The following RIMS2 variants were observed in gnomAD, a reference collection of about 807,000 sequenced individuals.
RIMS2 encodes the protein regulating synaptic membrane exocytosis 2, also known as regulating synaptic membrane exocytosis protein 2.
Under a neutral mutation model 174.4 loss-of-function variants are expected in RIMS2, and 59 were observed. The observed-to-expected ratio is 0.34, with a 90% CI of 0.27 to 0.42. RIMS2 has a LOEUF of 0.42. Among genes scored for constraint, RIMS2 ranks in the 10% least tolerant of loss-of-function variants. RIMS2 has a pLI of 1.00. For synonymous variants in RIMS2, 606 were observed against 572.5 expected (o/e 1.06, Z -0.84); for missense variants, 1,620 against 1,666.3 (o/e 0.97, Z 0.48).
chr8:103,825,497 C>T (rs2098784353), intron 3 of RIMS2, among the ~76,000 whole-genome samples: 1 of 145,684 alleles, frequency 6.9e-6, no homozygotes, highest in African/African-American at 2.6e-5. Flanking sequence ...GTTGTCCAGG[C>T]TGGTCTCAAG....
At chr8:103,769,444 C>T (rs1301936105) in intron 3 of RIMS2, among the ~76,000 whole-genome samples, 1 of 152,190 alleles carries the variant, frequency 6.6e-6, no homozygotes, top group African/African-American at 2.4e-5. Context: ...CTGCCTCAGC[C>T]TCCCAAGTAG....
intron 1 of RIMS2, among the ~76,000 whole-genome samples, chr8:103,641,291 T>C (rs570783042): frequency 1.3e-3 from 191 of 152,286 alleles, no homozygotes; most frequent in African/African-American, 4.5e-3. Context: ...TATGTAATGA[T>C]TTAATACATT....
intron 2 of RIMS2, among the ~76,000 whole-genome samples, chr8:103,708,748 A>C (rs929003877): frequency 6.6e-5 from 10 of 152,088 alleles, no homozygotes; most frequent in African/African-American, 2.2e-4. Flanking sequence ...AGTATTTTTT[A>C]ACACTAGTTG....
chr8:103,893,244 T>C (rs2099257639), intron 4 of RIMS2, among the ~76,000 whole-genome samples: 1 of 152,072 alleles, frequency 6.6e-6, no homozygotes, highest in South Asian at 2.1e-4. Flanking sequence ...GAATTCCAGC[T>C]TTGGGGTACA....
chr8:103,800,532 T>C (rs962687865), intron 3 of RIMS2, among the ~76,000 whole-genome samples: 10 of 152,212 alleles, frequency 6.6e-5, no homozygotes, highest in African/African-American at 2.2e-4. Context: ...GAGAATTCTT[T>C]CATGAATGGC....
At chr8:103,952,588 C>T (rs1038415755) in intron 14 of RIMS2, among the ~76,000 whole-genome samples, 3 of 152,166 alleles carry the variant, frequency 2.0e-5, no homozygotes, top group African/African-American at 7.2e-5. Flanking sequence ...GACGTCCACT[C>T]AGAGACCCCA....
rs148335460 is a variant in RIMS2 at position 104,094,029 on chromosome 8, T to G, written c.3334+79414T>G. ...TAGAAAACATAAGAATGTTACTTTT[T>G]CAGTAGGATGCTTTCCTATCCTCTT... On this transcript the variant is annotated intron_variant, in intron 19 of 23. Transcript: ENST00000504942. 4.3e-4 allele frequency among the ~76,000 whole-genome samples: 66 copies of G among 152,102 alleles called. No individual in the cohort carries two copies. In the Middle Eastern group the frequency reaches 0.011, roughly 24 times the overall value.
intron 19 of RIMS2, among the ~76,000 whole-genome samples, chr8:104,146,207 A>AAAG (rs1187160527): frequency 1.3e-5 from 1 of 76,468 alleles, no homozygotes; most frequent in Non-Finnish European, 2.8e-5. Context: ...CCTCTCCCAA[A>AAAG]AAAAAAAAAA....
At chr8:103,799,406 A>G (rs1457967911) in intron 3 of RIMS2, among the ~76,000 whole-genome samples, 1 of 152,202 alleles carries the variant, frequency 6.6e-6, no homozygotes, top group Non-Finnish European at 1.5e-5. Context: ...AAAACTCGTT[A>G]CTATAAACTG....
intron 17 of RIMS2, among the ~76,000 whole-genome samples, chr8:104,004,325 A>G (rs1222253008): frequency 6.6e-6 from 1 of 152,188 alleles, no homozygotes; most frequent in Non-Finnish European, 1.5e-5. Flanking sequence ...TAAGTGGCAG[A>G]GGGAGGAAGA....
intron 3 of RIMS2, among the ~76,000 whole-genome samples, chr8:103,772,363 A>C (rs2098263473): frequency 6.6e-6 from 1 of 152,032 alleles, no homozygotes; most frequent in Non-Finnish European, 1.5e-5. Context: ...AAAAACTTAT[A>C]AATGGAAATT....
At chr8:103,908,946 A>C (rs2075084360) in intron 4 of RIMS2, among the ~76,000 whole-genome samples, 1 of 152,174 alleles carries the variant, frequency 6.6e-6, no homozygotes, top group South Asian at 2.1e-4. Context: ...TACCAGTTTC[A>C]TTTAATACTA....
intron 1 of RIMS2, among the ~76,000 whole-genome samples, chr8:103,551,852 T>C (rs985886194): frequency 2.6e-5 from 4 of 152,208 alleles, no homozygotes; most frequent in African/African-American, 7.2e-5. Flanking sequence ...CCATCCACAA[T>C]TGCTTCAAAG....
At position 104,188,280 on chromosome 8, in the gene RIMS2, G is replaced by A. The variant is rs200944230; in HGVS notation, c.3335-56636G>A. 6.3e-3 allele frequency among the ~76,000 whole-genome samples: 845 copies of A among 135,184 alleles called. 43 individuals carry two copies. In the East Asian group the frequency reaches 0.12, roughly 19 times the overall value. The allele number at this position is 135,184 out of a possible 152,430, so 88.7% of individuals were successfully genotyped here. On this transcript the variant is annotated intron_variant, in intron 19 of 23. Transcript: ENST00000504942. ...ATAGATAGATAGATAGATGGATGAA[G>A]TATAAAATCATCTAGATATAAAGTT...
chr8:103,599,337 T>A lies in RIMS2; in HGVS notation c.177-97749T>A, dbSNP rs578112687. On this transcript the variant is annotated intron_variant, in intron 1 of 23. Coordinates refer to ENST00000504942, the Ensembl canonical transcript of RIMS2. ...CCAAGGTATCACAAGTAGTTAGTGA[T>A]GAAATCAGCATACGAATCTAGTATG... Among the ~76,000 whole-genome samples the A allele has an allele frequency of 1.2e-3, 181 of 150,908 alleles. 1 individual carries two copies. The highest frequency in any genetic ancestry group is 2.3e-3 in the Non-Finnish European group (154 of 67,836).
intron 7 of RIMS2, among the ~76,000 whole-genome samples, chr8:103,916,179 CATAGAG>C (rs1326050310): frequency 1.3e-5 from 2 of 151,940 alleles, no homozygotes; most frequent in Non-Finnish European, 2.9e-5. Flanking sequence ...TAAGAAATCC[CATAGAG>C]ATAATGTTTA....
intron 3 of RIMS2, among the ~76,000 whole-genome samples, chr8:103,812,341 T>TTG (rs1017954524): frequency 1.3e-4 from 19 of 146,432 alleles, no homozygotes; most frequent in African/African-American, 4.3e-4. Flanking sequence ...GTTTTTTTTT[T>TTG]TTTTTTTTTT....
intron 19 of RIMS2, among the ~76,000 whole-genome samples, chr8:104,135,867 A>C (rs373614532): frequency 3.3e-5 from 5 of 152,148 alleles, no homozygotes; most frequent in African/African-American, 1.2e-4. Flanking sequence ...AATGTTGAAG[A>C]ATAGAGATAA....
At chr8:103,710,707 T>C (rs2097293465) in intron 2 of RIMS2, among the ~76,000 whole-genome samples, 1 of 152,180 alleles carries the variant, frequency 6.6e-6, no homozygotes, top group Admixed American at 6.5e-5. Flanking sequence ...ATAAATAATG[T>C]ACATTTCCAC....
Sources: allele counts gnomAD v4.1 joint callset (sites outside exome capture counted in the v4.1 genomes callset), GRCh38; gene constraint gnomAD v4.1.1; transcripts MANE v1.5; gene names NCBI Gene and HGNC (gene_info 2026-07-23, HGNC 2026-07-21).